Variants in GALM observed in about 807,000 individuals in gnomAD.
GALM encodes the protein galactose mutarotase, also known as aldose 1-epimerase.
A neutral mutation model predicts 37.4 loss-of-function variants in GALM; 43 were observed. The ratio of observed to expected loss-of-function variants is 1.15; its 90% CI spans 0.90 to 1.48. The LOEUF is 1.48. GALM is among the 40% of genes most tolerant of loss of function. The pLI, the probability that GALM is intolerant of heterozygous loss-of-function variation, is 0.00. For synonymous variants in GALM, 199 were observed against 170.6 expected, an observed-to-expected ratio of 1.17 and a Z score of -1.30; for missense variants, 456 against 419.1, an observed-to-expected ratio of 1.09 and a Z score of -0.77.
At chr2:38,687,107 G>A (rs924668530) in intron 3 of GALM, among the ~76,000 whole-genome samples, 2 of 152,184 alleles carry the variant, frequency 1.3e-5, no homozygotes, top group African/African-American at 4.8e-5. Context: ...TAGGGCCAAG[G>A]AAATACAGTA....
intron 1 of GALM, among the ~76,000 whole-genome samples, 181 bp downstream of exon 1, chr2:38,666,532 A>T (rs1664943006): frequency 6.6e-6 from 1 of 152,214 alleles, no homozygotes; most frequent in African/African-American, 2.4e-5. Flanking sequence ...TTTGGGAAAA[A>T]CTGTAATAAA....
chr2:38,688,988 T>C (rs1257548127), intron 3 of GALM, among the ~76,000 whole-genome samples: 1 of 152,148 alleles, frequency 6.6e-6, no homozygotes, highest in Non-Finnish European at 1.5e-5. Flanking sequence ...ACCTGGCTAA[T>C]TTTGTATTTT....
At chr2:38,700,393 A>G (rs1229821979) in intron 4 of GALM, among the ~76,000 whole-genome samples, 2 of 152,096 alleles carry the variant, frequency 1.3e-5, no homozygotes, top group Admixed American at 6.6e-5. Context: ...TTTGCTTTAT[A>G]TTATGTATCT....
At chr2:38,672,294 T>C (rs572543526) in intron 1 of GALM, among the ~76,000 whole-genome samples, 21 of 152,182 alleles carry the variant, frequency 1.4e-4, no homozygotes, top group African/African-American at 4.1e-4. Flanking sequence ...AAACATCTTG[T>C]TTTTTAGAAA....
intron 4 of GALM, among the ~76,000 whole-genome samples, chr2:38,690,953 C>T (rs1665659711): frequency 6.6e-6 from 1 of 152,188 alleles, no homozygotes; most frequent in African/African-American, 2.4e-5. Flanking sequence ...TGAATATTTT[C>T]CTGGCTCCAG....
intron 1 of GALM, 127 bp downstream of exon 1, chr2:38,666,478 C>T (rs915943754): frequency 8.9e-6 from 6 of 676,924 alleles, no homozygotes; most frequent in African/African-American, 7.3e-5. Flanking sequence ...GACCGTCTGA[C>T]TTGCAAGCGC....
chr2:38,723,581 G>T (rs1666425999), intron 4 of GALM, among the ~76,000 whole-genome samples: 1 of 152,060 alleles, frequency 6.6e-6, no homozygotes, highest in Non-Finnish European at 1.5e-5. Flanking sequence ...TTGAAGCCAG[G>T]AGTTCAAGAC....
At chr2:38,678,061 G>A (rs904839450) in intron 2 of GALM, among the ~76,000 whole-genome samples, 3 of 147,672 alleles carry the variant, frequency 2.0e-5, no homozygotes, top group African/African-American at 7.5e-5. Flanking sequence ...TCATTTTCCA[G>A]GCTGGAGTGC....
chr2:38,717,625 C>G (rs982176716), intron 4 of GALM, among the ~76,000 whole-genome samples: 1 of 151,916 alleles, frequency 6.6e-6, no homozygotes, highest in Non-Finnish European at 1.5e-5. Context: ...GTCTCGAACT[C>G]CCGGCCTCAA....
At chr2:38,727,114 G>A (rs1436767077) in intron 4 of GALM, among the ~76,000 whole-genome samples, 2 of 151,780 alleles carry the variant, frequency 1.3e-5, no homozygotes, top group East Asian at 1.9e-4. Flanking sequence ...TGTTTGGGAG[G>A]CTGAGGCGGG....
chr2:38,681,496 C>T lies in GALM; in HGVS notation c.552+10C>T, dbSNP rs1344388366. ...CAACCTGGCAGGCCAGGTAAGTGAA[C>T]TTGTTTCTTCTTTCCTGCTTCGTGC... On this transcript the variant is annotated intron_variant, in intron 3 of 6. Coordinates refer to ENST00000272252, the MANE Select transcript of GALM (RefSeq NM_138801.3). 3.7e-6 allele frequency: 6 copies of T among 1,604,068 alleles called. No individual in the cohort carries two copies. Among genetic ancestry groups the T allele is most frequent in the African/African-American group, 2.7e-5 (2 of 74,712 alleles).
chr2:38,674,417 T>C (rs1479616316), intron 1 of GALM, among the ~76,000 whole-genome samples: 4 of 152,138 alleles, frequency 2.6e-5, no homozygotes, highest in African/African-American at 9.7e-5. Context: ...CTCAATCTCT[T>C]GACCTCGTGA....
intron 4 of GALM, among the ~76,000 whole-genome samples, chr2:38,709,010 G>T (rs1666099674): frequency 6.6e-6 from 1 of 152,136 alleles, no homozygotes; most frequent in Non-Finnish European, 1.5e-5. Context: ...GAAGGCAAAT[G>T]GTGGGATGAC....
At chr2:38,687,853 T>C (rs868831428) in intron 3 of GALM, among the ~76,000 whole-genome samples, 6 of 152,316 alleles carry the variant, frequency 3.9e-5, no homozygotes, top group Middle Eastern at 6.8e-3. Context: ...CTCAGTTGGA[T>C]TGTGTGGGCC....
intron 5 of GALM, among the ~76,000 whole-genome samples, chr2:38,729,998 G>A (rs1666567370): frequency 6.6e-6 from 1 of 151,986 alleles, no homozygotes; most frequent in Non-Finnish European, 1.5e-5. Flanking sequence ...AGTCACCTCG[G>A]CTGTCACTGA....
At chr2:38,723,788 C>A (rs1177086071) in intron 4 of GALM, among the ~76,000 whole-genome samples, 1 of 101,790 alleles carries the variant, frequency 9.8e-6, no homozygotes, top group Non-Finnish European at 1.9e-5. Flanking sequence ...AAGACACTGA[C>A]TCAAAAAAAC....
intron 1 of GALM, among the ~76,000 whole-genome samples, chr2:38,672,661 C>T (rs1665139505): frequency 6.6e-6 from 1 of 152,102 alleles, no homozygotes; most frequent in Non-Finnish European, 1.5e-5. Context: ...CCTCAGTTTC[C>T]ACATCTGTAA....
intron 4 of GALM, among the ~76,000 whole-genome samples, chr2:38,725,798 A>G (rs1206915051): frequency 6.6e-6 from 1 of 151,954 alleles, no homozygotes; most frequent in Non-Finnish European, 1.5e-5. Context: ...CACAACCTCC[A>G]TCTCCCGGGT....
intron 4 of GALM, among the ~76,000 whole-genome samples, chr2:38,703,158 A>G (rs1473771583): frequency 9.1e-6 from 1 of 109,564 alleles, no homozygotes; most frequent in African/African-American, 3.7e-5. Context: ...CCCAGGCTGG[A>G]TTGCAATGGT....
Sources: allele counts gnomAD v4.1 joint callset (sites outside exome capture counted in the v4.1 genomes callset), GRCh38; gene constraint gnomAD v4.1.1; transcripts MANE v1.5; gene names NCBI Gene and HGNC (gene_info 2026-07-23, HGNC 2026-07-21).